The following MOGAT1 variants were observed in gnomAD, a reference collection of about 807,000 sequenced individuals.
The protein encoded by MOGAT1 is 2-acylglycerol O-acyltransferase 1.
A neutral mutation model predicts 31.4 loss-of-function variants in MOGAT1; 32 were observed. The ratio of observed to expected loss-of-function variants is 1.02; its 90% CI spans 0.77 to 1.37. MOGAT1 has a LOEUF of 1.37. MOGAT1 is among the 40% of genes most tolerant of loss of function. The pLI, the probability that MOGAT1 is intolerant of heterozygous loss-of-function variation, is 0.00. For synonymous variants in MOGAT1, 145 were observed against 144.5 expected (o/e 1.00, Z -0.03); for missense variants, 426 against 402.0 (o/e 1.06, Z -0.51).
chr2:222,693,786 G>A (rs2106039483), intron 3 of MOGAT1, among the ~76,000 whole-genome samples: 1 of 152,226 alleles, frequency 6.6e-6, no homozygotes, highest in African/African-American at 2.4e-5. Flanking sequence ...AGGAATTGTG[G>A]GAGTTGCAAT....
intron 5 of MOGAT1, among the ~76,000 whole-genome samples, chr2:222,707,833 A>G (rs992186195): frequency 1.2e-4 from 18 of 152,208 alleles, no homozygotes; most frequent in African/African-American, 4.3e-4. Flanking sequence ...TACTGATGTC[A>G]TTTATCACTT....
rs575461219 is a variant in MOGAT1 at position 222,678,528 on chromosome 2, A to G, written c.94+6649A>G. Among the ~76,000 whole-genome samples, 48 of 152,326 alleles carry G rather than the reference A, an allele frequency of 3.2e-4. 1 individual carries two copies. In the South Asian group the frequency reaches 8.5e-3, roughly 27 times the overall value. On this transcript the variant is annotated intron_variant, in intron 1 of 5. Coordinates refer to ENST00000446656, the MANE Select transcript of MOGAT1 (RefSeq NM_058165.3). Reference sequence around the variant, plus strand: ...TTTGTATAGATTTTTCTTTCAGTCTATGGATTATCCTTTCAATCTCTTAAC... The same window carrying G: ...TTTGTATAGATTTTTCTTTCAGTCTGTGGATTATCCTTTCAATCTCTTAAC...
Position 222,689,409 on chromosome 2 carries a change from C to A in MOGAT1, c.418C>A (p.Leu140Ile), listed in dbSNP as rs1007891494. ...KDLFPGFTSY[L>I]HVLPLWFWCP... Reference sequence around the variant, plus strand: ...CCTGTTTCCTGGCTTTACTTCATATCTTCACGTGCTGCCACTTTGGTTCTG... The same window carrying A: ...CCTGTTTCCTGGCTTTACTTCATATATTCACGTGCTGCCACTTTGGTTCTG... Residue 140 changes from leucine to isoleucine, a missense_variant, in exon 3 of 6, where the codon CTT becomes ATT. Coordinates refer to ENST00000446656, the MANE Select transcript of MOGAT1 (RefSeq NM_058165.3). The A allele has an allele frequency of 1.2e-6, 2 of 1,613,894 alleles. No homozygotes were observed. Among genetic ancestry groups the A allele is most frequent in the African/African-American group, 2.7e-5 (2 of 74,926 alleles).
intron 5 of MOGAT1, among the ~76,000 whole-genome samples, chr2:222,703,390 T>G (rs994437482): frequency 1.3e-5 from 2 of 152,118 alleles, no homozygotes; most frequent in African/African-American, 2.4e-5. Context: ...CTGAGGGTTT[T>G]TTTGTTTGTT....
At chr2:222,678,049 T>C (rs1692524127) in intron 1 of MOGAT1, 1 of 241,704 alleles carries the variant, frequency 4.1e-6, no homozygotes, top group Admixed American at 4.1e-5. Context: ...TATTCTGTTG[T>C]CTCATGGCTC....
intron 3 of MOGAT1, among the ~76,000 whole-genome samples, chr2:222,692,306 A>G (rs1692775091): frequency 6.6e-6 from 1 of 152,230 alleles, no homozygotes; most frequent in Non-Finnish European, 1.5e-5. Flanking sequence ...TTAATGATTG[A>G]TTCATCCTCA....
At chr2:222,684,865 G>A (rs1027646766) in intron 1 of MOGAT1, among the ~76,000 whole-genome samples, 1 of 152,082 alleles carries the variant, frequency 6.6e-6, no homozygotes, top group Admixed American at 6.5e-5. Flanking sequence ...GTGAGCCACC[G>A]TGCCCAGCCG....
At position 222,694,499 on chromosome 2, in the gene MOGAT1, C is replaced by A; in HGVS notation, c.616C>A (p.Gln206Lys). ...HPGKFTLFIR[Q>K]RKGFVKIALT... ...TGGAAAGTTCACTCTGTTCATCCGC[C>A]AGCGGAAAGGATTTGTTAAAATTGC... Residue 206 changes from glutamine (Q) to lysine (K), a missense_variant, in exon 4 of 6, where the codon CAG becomes AAG. By Grantham distance (53) the Gln-to-Lys change is moderately conservative. Transcript: ENST00000446656. 1 of 1,613,810 alleles carries A rather than the reference C, an allele frequency of 6.2e-7. No homozygotes were observed. The highest frequency in any genetic ancestry group is 8.5e-7 in the Non-Finnish European group (1 of 1,179,810).
At chr2:222,701,315 A>C (rs532250273) in intron 5 of MOGAT1, among the ~76,000 whole-genome samples, 1 of 148,852 alleles carries the variant, frequency 6.7e-6, no homozygotes, top group South Asian at 2.1e-4. Context: ...AGAGAGAGAG[A>C]GAGAGAGAGA....
chr2:222,684,055 T>C (rs1380387988), intron 1 of MOGAT1, among the ~76,000 whole-genome samples: 1 of 152,110 alleles, frequency 6.6e-6, no homozygotes, highest in East Asian at 1.9e-4. Flanking sequence ...AAAATAGAGG[T>C]TATCTAGTCA....
rs749519776 is a variant in MOGAT1, at chr2:222,689,242, A to T, written c.274-23A>T. 3 of 1,549,072 alleles carry T rather than the reference A, an allele frequency of 1.9e-6. No homozygotes were observed. The East Asian group carries it at 6.8e-5, about 35-fold the overall frequency. ...ATAAGGGAAGTTTCTTTTTTTTAAA[A>T]TCTCAATATGAATGTGCTGTAGCTT... is the stretch of plus-strand genomic sequence containing the variant. On this transcript the variant is annotated intron_variant, in intron 2 of 5. Transcript: ENST00000446656.
intron 1 of MOGAT1, among the ~76,000 whole-genome samples, chr2:222,672,615 TGTG>T (rs774378473): frequency 1.3e-5 from 2 of 152,054 alleles, no homozygotes; most frequent in African/African-American, 2.4e-5. Flanking sequence ...ATAGGGGTGA[TGTG>T]GGAGGAGGGA....
intron 3 of MOGAT1, among the ~76,000 whole-genome samples, chr2:222,693,311 T>C (rs1010195065): frequency 2.0e-5 from 3 of 152,210 alleles, no homozygotes; most frequent in Non-Finnish European, 2.9e-5. Context: ...TCTTTTAAGT[T>C]ATTTTTACAT....
chr2:222,694,755 AAAC>A (rs536440418), intron 4 of MOGAT1, among the ~76,000 whole-genome samples: 54 of 152,354 alleles, frequency 3.5e-4, no homozygotes, highest in African/African-American at 1.3e-3. Flanking sequence ...TCTAAAAGCA[AAAC>A]AACGAGAACA....
chr2:222,706,210 C>T (rs753008485), intron 5 of MOGAT1, among the ~76,000 whole-genome samples: 7 of 152,064 alleles, frequency 4.6e-5, no homozygotes, highest in Admixed American at 2.0e-4. Context: ...TGGTGGCTCA[C>T]GCCTATAATC....
intron 5 of MOGAT1, chr2:222,698,498 T>C (rs1692869816): frequency 6.6e-6 from 1 of 152,210 alleles, no homozygotes; most frequent in African/African-American, 2.4e-5. Context: ...AACATGAGAT[T>C]CCATCTTGTA....
At chr2:222,694,089 T>C (rs1692805909) in intron 3 of MOGAT1, among the ~76,000 whole-genome samples, 1 of 152,196 alleles carries the variant, frequency 6.6e-6, no homozygotes, top group Non-Finnish European at 1.5e-5. Context: ...AGTTCAGTAG[T>C]GCACAACCTA....
chr2:222,680,891 T>C (rs1040253601), intron 1 of MOGAT1, among the ~76,000 whole-genome samples: 2 of 152,232 alleles, frequency 1.3e-5, no homozygotes, highest in Non-Finnish European at 2.9e-5. Context: ...TCAGTGGCTT[T>C]CACAATGTTT....
intron 3 of MOGAT1, 63 bp downstream of exon 3, chr2:222,689,532 C>T: frequency 7.0e-7 from 1 of 1,432,290 alleles, no homozygotes. Flanking sequence ...ACAGAACATT[C>T]CCTCCCAGGC....
Sources: allele counts gnomAD v4.1 joint callset (sites outside exome capture counted in the v4.1 genomes callset), GRCh38; gene constraint gnomAD v4.1.1; transcripts MANE v1.5; gene names NCBI Gene and HGNC (gene_info 2026-07-23, HGNC 2026-07-21).